The following BICD2 variants were observed in gnomAD, a reference collection of about 807,000 sequenced individuals.
BICD2 encodes protein bicaudal D homolog 2.
A neutral mutation model predicts 72.9 loss-of-function variants in BICD2; 25 were observed. The observed-to-expected ratio is 0.34, with a 90% CI of 0.25 to 0.48. The LOEUF (loss-of-function observed/expected upper bound fraction) is 0.48. Among genes scored for constraint, BICD2 ranks in the 20% least tolerant of loss-of-function variants. The probability of loss-of-function intolerance (pLI) is 0.99; values close to 1 mark genes in which losing one functional copy is unlikely to be tolerated. For missense variants in BICD2, 894 were observed against 1,175.2 expected, an observed-to-expected ratio of 0.76 and a Z score of 3.50; for synonymous variants, 501 against 516.1, an observed-to-expected ratio of 0.97 and a Z score of 0.40.
chr9:92,750,419 T>A (rs1471975754), intron 1 of BICD2, among the ~76,000 whole-genome samples: 13 of 151,006 alleles, frequency 8.6e-5, no homozygotes, highest in Admixed American at 8.6e-4. Flanking sequence ...GGTGAACAGA[T>A]AAATTGTGGT....
intron 5 of BICD2, 26 bp from the exon 6 acceptor site, chr9:92,717,974 A>G: frequency 6.2e-7 from 1 of 1,607,806 alleles, no homozygotes; most frequent in Non-Finnish European, 8.5e-7. Flanking sequence ...GTAGGGTGGA[A>G]AAGTGAAAGG....
chr9:92,764,774 G>A lies in BICD2; in HGVS notation c.-30C>T. On this transcript the variant is annotated 5_prime_UTR_variant, in exon 1 of 7. Coordinates refer to ENST00000356884, the MANE Select transcript of BICD2 (RefSeq NM_001003800.2). This position sits in a 1 kb window ranked among gnomAD's most constrained non-coding sequence, Gnocchi z 5.5. Reference sequence around the variant, plus strand: ...GCCGAGGGCTGAGCCGGCTCCCACTGAGGCTCTCGCAGGCCGGGCCCTCCT... The same window carrying A: ...GCCGAGGGCTGAGCCGGCTCCCACTAAGGCTCTCGCAGGCCGGGCCCTCCT... The A allele has an allele frequency of 6.8e-7, 1 of 1,477,544 alleles. No homozygotes were observed. Among genetic ancestry groups the A allele is most frequent in the Non-Finnish European group, 8.9e-7 (1 of 1,119,350 alleles). The allele number at this position is 1,477,544 out of a possible 1,614,324, so 91.5% of individuals were successfully genotyped here.
At chr9:92,745,735 G>A (rs937326580) in intron 1 of BICD2, among the ~76,000 whole-genome samples, 6 of 152,174 alleles carry the variant, frequency 3.9e-5, no homozygotes, top group African/African-American at 1.4e-4. Context: ...CCTCTCACAG[G>A]TGAGAAACTG....
At chr9:92,743,379 A>ATTTTT (rs1853937734) in intron 1 of BICD2, among the ~76,000 whole-genome samples, 1 of 89,448 alleles carries the variant, frequency 1.1e-5, no homozygotes, top group Non-Finnish European at 2.5e-5. Flanking sequence ...TTTTTTTTTA[A>ATTTTT]GAGATGGGGT....
In BICD2 at chr9:92,714,498, TG is replaced by T; in HGVS notation, c.*655del. 1 of 985,508 alleles carries T rather than the reference TG, an allele frequency of 1.0e-6. No homozygotes were observed. The highest frequency in any genetic ancestry group is 1.2e-6 in the Non-Finnish European group (1 of 829,956). 61.0% of individuals were successfully genotyped at this position (985,508 alleles called of 1,614,324 possible). A position where few individuals can be genotyped will look rare whatever the true frequency, so the allele number is the denominator to read the frequency against. On this transcript the variant is annotated 3_prime_UTR_variant, in exon 7 of 7. Transcript: ENST00000356884. ...AATGAGAAACCGAGCTCTGGATTCC[TG>T]GGTTATGGTCAGCTGTGTCTGTGCC...
Position 92,764,217 on chromosome 9 carries a change from C to T in BICD2, c.240+288G>A, listed in dbSNP as rs1169008479. Among the ~76,000 whole-genome samples the T allele has an allele frequency of 6.6e-6, 1 of 152,102 alleles. No individual in the cohort carries two copies. The highest frequency in any genetic ancestry group is 2.4e-5 in the African/African-American group (1 of 41,404). On this transcript the variant is annotated intron_variant, in intron 1 of 6. Transcript: ENST00000356884. This position sits in a 1 kb window ranked among gnomAD's most constrained non-coding sequence, Gnocchi z 5.5. ...CCGCAAAGCATCAGCCCTTACGAAG[C>T]CCCGCCCCGCCGGGGCCGCCCAGGT...
chr9:92,740,977 G>A (rs1411183946), intron 1 of BICD2, among the ~76,000 whole-genome samples: 4 of 152,208 alleles, frequency 2.6e-5, no homozygotes, highest in Admixed American at 6.5e-5. Context: ...CTTGAGCTCA[G>A]GTCTCGGCCT....
chr9:92,748,156 C>T (rs1024431001), intron 1 of BICD2, among the ~76,000 whole-genome samples: 1 of 152,246 alleles, frequency 6.6e-6, no homozygotes, highest in Middle Eastern at 3.4e-3. Context: ...GGACACACCC[C>T]CGTGACTCAG....
intron 1 of BICD2, among the ~76,000 whole-genome samples, chr9:92,763,039 C>T (rs1367358034): frequency 1.3e-5 from 2 of 152,190 alleles, no homozygotes; most frequent in African/African-American, 4.8e-5. Context: ...TCTTGTAGCT[C>T]CAGCGCCACT....
At chr9:92,716,413 G>A (rs1853314373) in intron 6 of BICD2, among the ~76,000 whole-genome samples, 1 of 152,196 alleles carries the variant, frequency 6.6e-6, no homozygotes, top group Non-Finnish European at 1.5e-5. Flanking sequence ...AAGACAGGAC[G>A]CTTCCAGAGA....
rs76548313 is a variant in BICD2 at position 92,741,588 on chromosome 9, T to A, written c.241-12352A>T. ...AAGTGGATGTGGTAATTTTCTTTTTTTTCTTTATGTCATAAAAAGAGCATC... is the reference window on the plus strand; with the variant it reads ...AAGTGGATGTGGTAATTTTCTTTTTATTCTTTATGTCATAAAAAGAGCATC... On this transcript the variant is annotated intron_variant, in intron 1 of 6. Transcript: ENST00000356884. Among the ~76,000 whole-genome samples the A allele has an allele frequency of 5.7e-3, 867 of 152,386 alleles. 48 individuals carry two copies. In the East Asian group the frequency reaches 0.096, roughly 17 times the overall value.
rs775972107 is a variant in BICD2, at chr9:92,713,487, T to C, written c.*1667A>G. The stretch of plus-strand genomic sequence containing the variant: ...CTGAAAACGGGAGAAAAGAGAGCGT[T>C]AGAAAGCGGTCATCTGTCGCTTCCT... On this transcript the variant is annotated 3_prime_UTR_variant, in exon 7 of 7. Coordinates refer to ENST00000356884, the MANE Select transcript of BICD2 (RefSeq NM_001003800.2). 4.9e-5 allele frequency: 78 copies of C among 1,585,610 alleles called. 3 individuals carry two copies. In the South Asian group the frequency reaches 8.8e-4, roughly 18 times the overall value.
chr9:92,756,146 G>T (rs1189912247), intron 1 of BICD2, among the ~76,000 whole-genome samples: 4 of 152,228 alleles, frequency 2.6e-5, no homozygotes, highest in African/African-American at 7.2e-5. Flanking sequence ...CACCTCAGGT[G>T]GGCAGAGCTC....
In BICD2 at chr9:92,712,885, C is replaced by T. The variant is rs1853219688; in HGVS notation, c.*2269G>A. The T allele has an allele frequency of 6.6e-6, 1 of 152,668 alleles. No individual in the cohort carries two copies. The highest frequency in any genetic ancestry group is 2.4e-5 in the African/African-American group (1 of 41,436). The allele number at this position is 152,668 out of a possible 1,614,324, so 9.5% of individuals were successfully genotyped here. A position where few individuals can be genotyped will look rare whatever the true frequency, so the allele number is the denominator to read the frequency against. Reference sequence around the variant, plus strand: ...CCGTATGATCTAAAGGCTGCTGAACCACAGCGTGGATACACTTAGCTGAGC... The same window carrying T: ...CCGTATGATCTAAAGGCTGCTGAACTACAGCGTGGATACACTTAGCTGAGC... On this transcript the variant is annotated 3_prime_UTR_variant, in exon 7 of 7. Transcript: ENST00000356884.
At chr9:92,727,197 G>A (rs897310974) in intron 2 of BICD2, among the ~76,000 whole-genome samples, 5 of 152,260 alleles carry the variant, frequency 3.3e-5, no homozygotes, top group Admixed American at 2.0e-4. Context: ...CCCTCACTCC[G>A]CTGCTGACCC....
In BICD2 at chr9:92,714,225, G is replaced by A. The variant is rs1473940186; in HGVS notation, c.*929C>T. 1.0e-6 allele frequency: 1 copy of A among 985,376 alleles called. No individual in the cohort carries two copies. Among genetic ancestry groups the A allele is most frequent in the Non-Finnish European group, 1.2e-6 (1 of 829,974 alleles). The allele number at this position is 985,376 out of a possible 1,614,324, so 61.0% of individuals were successfully genotyped here. On this transcript the variant is annotated 3_prime_UTR_variant, in exon 7 of 7. Transcript: ENST00000356884. Reference sequence around the variant, plus strand: ...ACCTGTGGGTGTCCAACCCAGCCAAGCCCTTGGTGGCTCAGACTTCAGGCT... The same window carrying A: ...ACCTGTGGGTGTCCAACCCAGCCAAACCCTTGGTGGCTCAGACTTCAGGCT...
At position 92,756,974 on chromosome 9, in the gene BICD2, A is replaced by T. The variant is rs1046050210; in HGVS notation, c.240+7531T>A. On this transcript the variant is annotated intron_variant, in intron 1 of 6. Coordinates refer to ENST00000356884, the MANE Select transcript of BICD2 (RefSeq NM_001003800.2). The stretch of plus-strand genomic sequence containing the variant: ...GGCACCCTCCACAGCATAAAAATAG[A>T]GTAGCCAGGGCTAATGCCAGTGCAG... Among the ~76,000 whole-genome samples, 20 of 152,248 alleles carry T rather than the reference A, an allele frequency of 1.3e-4. 1 individual carries two copies. Among genetic ancestry groups the T allele is most frequent in the African/African-American group, 3.8e-4 (16 of 41,564 alleles).
Position 92,764,371 on chromosome 9 carries a change from G to A in BICD2, c.240+134C>T. ...GGGCCCACTCCCACATACTGCCCGT[G>A]CCCCCTCCGCCCCGGCGGCCCACCC... On this transcript the variant is annotated intron_variant, in intron 1 of 6. Coordinates refer to ENST00000356884, the MANE Select transcript of BICD2 (RefSeq NM_001003800.2). The surrounding 1 kb of genome is among the most constrained non-coding windows in gnomAD (Gnocchi z 5.5). The A allele has an allele frequency of 8.1e-7, 1 of 1,239,910 alleles. No homozygotes were observed. Among genetic ancestry groups the A allele is most frequent in the Non-Finnish European group, 1.0e-6 (1 of 958,040 alleles). The allele number at this position is 1,239,910 out of a possible 1,614,324, so 76.8% of individuals were successfully genotyped here.
chr9:92,737,197 C>T (rs1440264277), intron 1 of BICD2, among the ~76,000 whole-genome samples: 1 of 152,186 alleles, frequency 6.6e-6, no homozygotes, highest in African/African-American at 2.4e-5. Flanking sequence ...TCATGTGAAA[C>T]CTGGGTTAAT....
Sources: allele counts gnomAD v4.1 joint callset (sites outside exome capture counted in the v4.1 genomes callset), GRCh38; gene constraint gnomAD v4.1.1; non-coding constraint Gnocchi (gnomAD v3.1); transcripts MANE v1.5; gene names NCBI Gene and HGNC (gene_info 2026-07-23, HGNC 2026-07-21).